Variants in FCHSD2 observed in about 807,000 individuals in gnomAD.
FCHSD2 encodes FCH and double SH3 domains 2, also known as F-BAR and double SH3 domains protein 2.
Under a neutral mutation model 108.1 loss-of-function variants are expected in FCHSD2, and 38 were observed. That is an observed-to-expected ratio of 0.35 (90% CI 0.27 to 0.46). FCHSD2 has a LOEUF of 0.46. FCHSD2 is among the 20% of genes least tolerant of loss of function. FCHSD2 has a pLI of 1.00. For missense variants in FCHSD2, 751 were observed against 897.8 expected (o/e 0.84, Z 2.09); for synonymous variants, 279 against 314.7 (o/e 0.89, Z 1.20).
intron 13 of FCHSD2, among the ~76,000 whole-genome samples, chr11:72,862,526 G>C (rs1481135757): frequency 1.3e-5 from 2 of 152,134 alleles, no homozygotes; most frequent in African/African-American, 2.4e-5. Flanking sequence ...GTCTGACAAA[G>C]GATATGCAAG....
chr11:72,923,206 CTA>C (rs1856008328), intron 8 of FCHSD2, among the ~76,000 whole-genome samples: 1 of 152,024 alleles, frequency 6.6e-6, no homozygotes, highest in Non-Finnish European at 1.5e-5. Context: ...CATTTTTTGA[CTA>C]TTATAAATAA....
intron 3 of FCHSD2, among the ~76,000 whole-genome samples, chr11:73,046,211 C>A (rs74977946): frequency 6.6e-6 from 1 of 152,160 alleles, no homozygotes; most frequent in Non-Finnish European, 1.5e-5. Context: ...AGGCTACAAT[C>A]GAATTCCTGT....
At chr11:73,032,834 A>C (rs1858394513) in intron 3 of FCHSD2, among the ~76,000 whole-genome samples, 1 of 152,190 alleles carries the variant, frequency 6.6e-6, no homozygotes, top group Non-Finnish European at 1.5e-5. Context: ...GAATGGCTTA[A>C]AGGTGAGACT....
rs1591339055 is a variant in FCHSD2, at chr11:72,849,780, G to A, written c.1418C>T (p.Thr473Ile). The A allele has an allele frequency of 1.9e-6, 3 of 1,612,156 alleles. No homozygotes were observed. The highest frequency in any genetic ancestry group is 2.5e-6 in the Non-Finnish European group (3 of 1,178,528). ...PSGTLRNYPL[T>I]CKVVYSYKAS... Reference sequence around the variant, plus strand: ...CTTGTAGGAATAAACAACTTTGCAGGTGAGTGGATAATTTCTTAAGGTGCC... The same window carrying A: ...CTTGTAGGAATAAACAACTTTGCAGATGAGTGGATAATTTCTTAAGGTGCC... The change falls in exon 14 of 20, where the codon ACC becomes ATC. Residue 473 changes from threonine (T) to isoleucine (I), a missense_variant. Transcript: ENST00000409418.
intron 8 of FCHSD2, among the ~76,000 whole-genome samples, chr11:72,933,634 A>G (rs920960385): frequency 1.3e-5 from 2 of 152,198 alleles, no homozygotes; most frequent in African/African-American, 4.8e-5. Context: ...TAAGGAAAAA[A>G]AGTTGATTCA....
In FCHSD2 at chr11:72,838,624, T is replaced by A; in HGVS notation, c.*167A>T. On this transcript the variant is annotated 3_prime_UTR_variant, in exon 20 of 20. Coordinates refer to ENST00000409418, the MANE Select transcript of FCHSD2 (RefSeq NM_014824.3). Reference sequence around the variant, plus strand: ...GACAACAAAAAAAAAAGGCACGAAATATTCAAAACGTGGGAGGAGTCTACC... The same window carrying A: ...GACAACAAAAAAAAAAGGCACGAAAAATTCAAAACGTGGGAGGAGTCTACC... The A allele has an allele frequency of 1.7e-6, 1 of 591,898 alleles. No individual in the cohort carries two copies. The highest frequency in any genetic ancestry group is 3.0e-6 in the Non-Finnish European group (1 of 333,062). 36.7% of individuals were successfully genotyped at this position (591,898 alleles called of 1,614,324 possible).
chr11:72,961,141 G>GT (rs1856811442), intron 8 of FCHSD2, among the ~76,000 whole-genome samples: 1 of 152,070 alleles, frequency 6.6e-6, no homozygotes, highest in South Asian at 2.1e-4. Flanking sequence ...TTAAAATGTG[G>GT]TATCTGCCCT....
intron 8 of FCHSD2, among the ~76,000 whole-genome samples, chr11:72,932,226 C>A (rs1856208105): frequency 6.6e-6 from 1 of 152,194 alleles, no homozygotes; most frequent in African/African-American, 2.4e-5. Context: ...CACAGCTACT[C>A]CCCTCTGGCC....
At chr11:73,019,821 T>C (rs1858058570) in intron 3 of FCHSD2, among the ~76,000 whole-genome samples, 1 of 152,202 alleles carries the variant, frequency 6.6e-6, no homozygotes, top group South Asian at 2.1e-4. Flanking sequence ...TAAAGCTACA[T>C]TTGATGAATA....
intron 13 of FCHSD2, among the ~76,000 whole-genome samples, chr11:72,852,556 C>G (rs1323563772): frequency 1.3e-5 from 2 of 151,906 alleles, no homozygotes; most frequent in South Asian, 2.1e-4. Context: ...CCCAGCTATT[C>G]AGGAGGCTGA....
intron 8 of FCHSD2, among the ~76,000 whole-genome samples, chr11:72,942,160 TGA>T (rs1219767813): frequency 3.3e-5 from 5 of 152,220 alleles, no homozygotes; most frequent in African/African-American, 1.2e-4. Context: ...CTCACAGTAA[TGA>T]GAGCGTTCTC....
intron 8 of FCHSD2, among the ~76,000 whole-genome samples, chr11:72,968,415 A>G (rs1856952640): frequency 6.6e-6 from 1 of 152,264 alleles, no homozygotes; most frequent in Admixed American, 6.5e-5. Flanking sequence ...TATTTTTCAG[A>G]TGTGCTATCT....
At chr11:72,940,726 A>C in intron 8 of FCHSD2, 1 of 920,048 alleles carries the variant, frequency 1.1e-6, no homozygotes, top group Non-Finnish European at 1.8e-6. Flanking sequence ...CCCAGTTCCT[A>C]AGGGTGCAAC....
chr11:72,993,261 A>T (rs952828333), intron 5 of FCHSD2, among the ~76,000 whole-genome samples: 24 of 152,320 alleles, frequency 1.6e-4, no homozygotes, highest in African/African-American at 2.9e-4. Flanking sequence ...AGGAAACAAC[A>T]GGTGCTGGAG....
chr11:72,976,936 T>C (rs1429936408), intron 8 of FCHSD2, among the ~76,000 whole-genome samples: 2 of 152,002 alleles, frequency 1.3e-5, no homozygotes, highest in Non-Finnish European at 2.9e-5. Flanking sequence ...AACTTTTTTT[T>C]TTTTTTTGAG....
At chr11:73,028,683 C>G (rs1396857879) in intron 3 of FCHSD2, among the ~76,000 whole-genome samples, 1 of 152,080 alleles carries the variant, frequency 6.6e-6, no homozygotes, top group Non-Finnish European at 1.5e-5. Context: ...CTCTGTGTCC[C>G]CACCCAATTC....
chr11:73,052,065 A>C (rs1858915512), intron 3 of FCHSD2, among the ~76,000 whole-genome samples: 1 of 152,238 alleles, frequency 6.6e-6, no homozygotes. Flanking sequence ...CAATTCACAG[A>C]ACAAAGAAAT....
At chr11:72,892,035 T>C (rs553776653) in intron 10 of FCHSD2, among the ~76,000 whole-genome samples, 40 of 152,322 alleles carry the variant, frequency 2.6e-4, no homozygotes, top group Non-Finnish European at 4.9e-4. Flanking sequence ...TGAAGATATA[T>C]TGAAAGATTA....
intron 2 of FCHSD2, among the ~76,000 whole-genome samples, chr11:73,107,440 A>G (rs1324028934): frequency 6.6e-6 from 1 of 152,224 alleles, no homozygotes; most frequent in South Asian, 2.1e-4. Flanking sequence ...AATGCGTAAT[A>G]ATCACATTAG....
Sources: gnomAD v4.1 joint callset for allele counts (sites outside exome capture counted in the v4.1 genomes callset) on GRCh38, gnomAD v4.1.1 for gene constraint, MANE v1.5 for transcripts, NCBI Gene and HGNC (gene_info 2026-07-23, HGNC 2026-07-21) for gene names.